Variants in GOLPH3 observed in about 807,000 individuals in gnomAD.
GOLPH3 encodes golgi phosphoprotein 3, also known as coat protein GPP34.
Under a neutral mutation model 28.5 loss-of-function variants are expected in GOLPH3, and 14 were observed. The ratio of observed to expected loss-of-function variants is 0.49; its 90% CI spans 0.32 to 0.77. The LOEUF (loss-of-function observed/expected upper bound fraction) is 0.77. Ranked by LOEUF, GOLPH3 falls within the 30% of genes least tolerant of loss-of-function variation. The probability of loss-of-function intolerance (pLI) is 0.03; values close to 1 mark genes in which losing one functional copy is unlikely to be tolerated. For missense variants in GOLPH3, 350 were observed against 393.7 expected, an observed-to-expected ratio of 0.89 and a Z score of 0.94; for synonymous variants, 158 against 159.2, an observed-to-expected ratio of 0.99 and a Z score of 0.06.
chr5:32,155,114 T>G (rs1413838278), intron 1 of GOLPH3, among the ~76,000 whole-genome samples: 2 of 72,296 alleles, frequency 2.8e-5, no homozygotes, highest in African/African-American at 6.8e-5. Flanking sequence ...AAAAAAAAAA[T>G]TAACGTTCTA....
intron 1 of GOLPH3, among the ~76,000 whole-genome samples, chr5:32,149,763 G>A (rs763821965): frequency 4.6e-5 from 7 of 152,192 alleles, no homozygotes; most frequent in South Asian, 2.1e-4. Flanking sequence ...TTAAGAGGCC[G>A]AGGCGGGCAG....
At chr5:32,166,807 TAAAAAA>T (rs79462316) in intron 1 of GOLPH3, among the ~76,000 whole-genome samples, 2 of 135,968 alleles carry the variant, frequency 1.5e-5, no homozygotes, top group Non-Finnish European at 3.2e-5. Context: ...GACTCCATCT[TAAAAAA>T]AAAAAAAAAG....
intron 1 of GOLPH3, among the ~76,000 whole-genome samples, chr5:32,152,735 T>G (rs1387438115): frequency 6.7e-6 from 1 of 148,312 alleles, no homozygotes; most frequent in Non-Finnish European, 1.5e-5. Context: ...TGAACCAGGA[T>G]CACACCACTG....
intron 2 of GOLPH3, among the ~76,000 whole-genome samples, chr5:32,142,201 G>A (rs894485251): frequency 4.6e-4 from 70 of 151,308 alleles, no homozygotes; most frequent in Non-Finnish European, 8.7e-4. Flanking sequence ...GAAGTGAGGA[G>A]CGTCTCTGCC....
chr5:32,143,524 G>A (rs964698114), intron 2 of GOLPH3, among the ~76,000 whole-genome samples: 1 of 152,024 alleles, frequency 6.6e-6, no homozygotes, highest in Non-Finnish European at 1.5e-5. Context: ...GAATCTTTCT[G>A]AATTTGTAAG....
At chr5:32,129,757 G>C (rs1265022614) in intron 3 of GOLPH3, among the ~76,000 whole-genome samples, 1 of 152,106 alleles carries the variant, frequency 6.6e-6, no homozygotes, top group Non-Finnish European at 1.5e-5. Context: ...CTGAATTCCA[G>C]GCAAAAGAAA....
chr5:32,143,127 G>GGAT (rs1746117870), intron 2 of GOLPH3, among the ~76,000 whole-genome samples: 1 of 152,228 alleles, frequency 6.6e-6, no homozygotes, highest in Non-Finnish European at 1.5e-5. Context: ...TCTGCCTTGG[G>GGAT]ATCCTGTTGA....
At chr5:32,135,296 T>C (rs1213035501) in intron 3 of GOLPH3, among the ~76,000 whole-genome samples, 1 of 152,232 alleles carries the variant, frequency 6.6e-6, no homozygotes, top group African/African-American at 2.4e-5. Context: ...CAGCTTAACC[T>C]AGCCTATCCA....
intron 3 of GOLPH3, 76 bp from the exon 4 acceptor site, chr5:32,126,712 A>G (rs1268950927): frequency 8.8e-7 from 1 of 1,133,920 alleles, no homozygotes; most frequent in Non-Finnish European, 1.3e-6. Flanking sequence ...ACTATTAAAC[A>G]GTAAAATCTG....
intron 1 of GOLPH3, among the ~76,000 whole-genome samples, chr5:32,157,396 G>C (rs1746453967): frequency 6.6e-6 from 1 of 152,134 alleles, no homozygotes; most frequent in Non-Finnish European, 1.5e-5. Context: ...TACTGTGGGA[G>C]CTCATTTCAA....
intron 1 of GOLPH3, among the ~76,000 whole-genome samples, chr5:32,148,740 T>C (rs1258594140): frequency 6.6e-6 from 1 of 152,154 alleles, no homozygotes; most frequent in African/African-American, 2.4e-5. Flanking sequence ...GAGCTTGCAG[T>C]GAGGCGAGAT....
intron 3 of GOLPH3, among the ~76,000 whole-genome samples, chr5:32,128,668 TA>T (rs1403210205): frequency 2.0e-5 from 3 of 151,592 alleles, no homozygotes; most frequent in Admixed American, 1.3e-4. Context: ...TCTCACAATT[TA>T]AAAACAAAAA....
At chr5:32,147,578 A>G (rs1746207135) in intron 1 of GOLPH3, among the ~76,000 whole-genome samples, 1 of 152,122 alleles carries the variant, frequency 6.6e-6, no homozygotes, top group Admixed American at 6.5e-5. Flanking sequence ...TAGCAGCAGT[A>G]ATGTCTGGTG....
intron 3 of GOLPH3, among the ~76,000 whole-genome samples, chr5:32,131,379 G>T (rs531863918): frequency 6.6e-6 from 1 of 152,322 alleles, no homozygotes; most frequent in African/African-American, 2.4e-5. Flanking sequence ...TGAGTTTAGC[G>T]TAAGTAAGAC....
At chr5:32,160,754 C>T (rs1419760703) in intron 1 of GOLPH3, among the ~76,000 whole-genome samples, 19 of 152,214 alleles carry the variant, frequency 1.2e-4, no homozygotes. Flanking sequence ...GATCCACTAA[C>T]ACAAACATGA....
chr5:32,137,588 G>A (rs1745964302), intron 2 of GOLPH3, among the ~76,000 whole-genome samples: 1 of 152,022 alleles, frequency 6.6e-6, no homozygotes, highest in Admixed American at 6.6e-5. Context: ...GAACCCAGGA[G>A]GTGGAGGCTG....
chr5:32,142,223 C>T lies in GOLPH3; in HGVS notation c.357+1526G>A, dbSNP rs556804540. ...GGAGCGTCTCTGCCCGGCCGCCCAT[C>T]GTCTGAGATGCGGGGAGCACCTCTG... On this transcript the variant is annotated intron_variant, in intron 2 of 3. Transcript: ENST00000265070. Among the ~76,000 whole-genome samples, 19 of 151,424 alleles carry T rather than the reference C, an allele frequency of 1.3e-4. No homozygotes were observed. In the South Asian group the frequency reaches 3.3e-3, roughly 27 times the overall value.
At chr5:32,157,654 T>C (rs1017098910) in intron 1 of GOLPH3, among the ~76,000 whole-genome samples, 1 of 152,198 alleles carries the variant, frequency 6.6e-6, no homozygotes, top group Non-Finnish European at 1.5e-5. Context: ...AGTATATAAA[T>C]GTACTGTCTC....
At chr5:32,157,683 T>C (rs1746460036) in intron 1 of GOLPH3, among the ~76,000 whole-genome samples, 1 of 152,162 alleles carries the variant, frequency 6.6e-6, no homozygotes, top group Non-Finnish European at 1.5e-5. Context: ...ACTAAACCTT[T>C]AATGATACTG....
Sources: gnomAD v4.1 joint callset for allele counts (sites outside exome capture counted in the v4.1 genomes callset) on GRCh38, gnomAD v4.1.1 for gene constraint, MANE v1.5 for transcripts, NCBI Gene and HGNC (gene_info 2026-07-23, HGNC 2026-07-21) for gene names.